STX6: variants seen among roughly 807,000 people sequenced by gnomAD.
STX6 encodes the protein syntaxin 6, also known as syntaxin-6.
STX6 carries 23 observed loss-of-function variants against 38.0 expected under a neutral mutation model. That is an observed-to-expected ratio of 0.60 (90% CI 0.43 to 0.86). The LOEUF is 0.86. STX6 is among the 40% of genes least tolerant of loss of function. The pLI, the probability that STX6 is intolerant of heterozygous loss-of-function variation, is 0.00. For missense variants in STX6, 274 were observed against 312.9 expected, an observed-to-expected ratio of 0.88 and a Z score of 0.94; for synonymous variants, 123 against 107.5, an observed-to-expected ratio of 1.14 and a Z score of -0.89.
chr1:180,974,118 T>C lies in STX6; in HGVS notation c.*2452A>G, dbSNP rs1655189764. 6.6e-6 allele frequency: 1 copy of C among 152,180 alleles called. No homozygotes were observed. The highest frequency in any genetic ancestry group is 2.4e-5 in the African/African-American group (1 of 41,438). 9.4% of individuals were successfully genotyped at this position (152,180 alleles called of 1,614,324 possible). A position where few individuals can be genotyped will look rare whatever the true frequency, so the allele number is the denominator to read the frequency against. On this transcript the variant is annotated 3_prime_UTR_variant, in exon 8 of 8. Transcript: ENST00000258301. ...AAATATTTGTCCTTAAAAATAAATGTAGGTTCCCTGGATTGTTCTCTTTGG... is the reference window on the plus strand; with the variant it reads ...AAATATTTGTCCTTAAAAATAAATGCAGGTTCCCTGGATTGTTCTCTTTGG...
chr1:180,977,384 C>T (rs536867677), intron 7 of STX6, among the ~76,000 whole-genome samples: 1 of 152,318 alleles, frequency 6.6e-6, no homozygotes, highest in African/African-American at 2.4e-5. Flanking sequence ...TGGGGGAGCC[C>T]TGCTGCAGCT....
chr1:180,984,063 C>CAAAAAAAAAA (rs10625558), intron 7 of STX6, among the ~76,000 whole-genome samples: 3 of 7,154 alleles, frequency 4.2e-4, no homozygotes, highest in Admixed American at 2.7e-3. Flanking sequence ...GGCTCCATCT[C>CAAAAAAAAAA]AAAAAAAAAA....
chr1:180,993,552 C>A, intron 3 of STX6, 127 bp from the exon 4 acceptor site: 1 of 503,040 alleles, frequency 2.0e-6, no homozygotes, highest in East Asian at 3.2e-5. Context: ...CATTTCTTGG[C>A]TTTATTTTCA....
intron 7 of STX6, 57 bp from the exon 8 acceptor site, chr1:180,976,703 C>T: frequency 6.6e-7 from 1 of 1,526,666 alleles, no homozygotes; most frequent in African/African-American, 1.4e-5. Flanking sequence ...CCCCAAGATA[C>T]AGTTATATGG....
intron 1 of STX6, among the ~76,000 whole-genome samples, chr1:181,012,073 T>C (rs1465908967): frequency 6.6e-6 from 1 of 152,204 alleles, no homozygotes; most frequent in South Asian, 2.1e-4. Context: ...AGAGAGTATA[T>C]ACCATGAAGC....
rs1467281946 is a variant in STX6 at position 181,022,685 on chromosome 1, C to A, written c.-12G>T. ...TCCTCCATGGACATGGCGTCCCGGC[C>A]CCGGCCGCCTTCACCTCCTCCGCGC... On this transcript the variant is annotated 5_prime_UTR_variant, in exon 1 of 8. Coordinates refer to ENST00000258301, the MANE Select transcript of STX6 (RefSeq NM_005819.6). The A allele has an allele frequency of 5.0e-6, 8 of 1,606,476 alleles. No homozygotes were observed. The East Asian group carries it at 1.1e-4, about 23-fold the overall frequency.
At chr1:180,982,137 G>A (rs770653377) in intron 7 of STX6, among the ~76,000 whole-genome samples, 4 of 152,130 alleles carry the variant, frequency 2.6e-5, no homozygotes, top group Non-Finnish European at 2.9e-5. Context: ...AGACAGCCAC[G>A]GGGAGCGGAG....
chr1:180,996,912 G>A lies in STX6; in HGVS notation c.301-3487C>T, dbSNP rs187802840. ...TGTGTATTCTCATTGAATTTTTTACGAAACAATTATGTAAGTTATGCTCAC... is the reference window on the plus strand; with the variant it reads ...TGTGTATTCTCATTGAATTTTTTACAAAACAATTATGTAAGTTATGCTCAC... On this transcript the variant is annotated intron_variant, in intron 3 of 7. Coordinates refer to ENST00000258301, the MANE Select transcript of STX6 (RefSeq NM_005819.6). Among the ~76,000 whole-genome samples the A allele has an allele frequency of 3.0e-3, 461 of 152,162 alleles. 6 individuals carry two copies. The highest frequency in any genetic ancestry group is 0.014 in the Middle Eastern group (4 of 294).
At chr1:181,001,991 C>T (rs1212261293) in intron 3 of STX6, among the ~76,000 whole-genome samples, 1 of 152,132 alleles carries the variant, frequency 6.6e-6, no homozygotes, top group East Asian at 1.9e-4. Flanking sequence ...CCAGCCTGAG[C>T]AACATGGTGA....
chr1:180,994,503 C>T (rs530089261), intron 3 of STX6, among the ~76,000 whole-genome samples: 3 of 152,334 alleles, frequency 2.0e-5, no homozygotes, highest in African/African-American at 4.8e-5. Context: ...GAGTCAGTCA[C>T]GTGAGTGTTG....
intron 1 of STX6, among the ~76,000 whole-genome samples, chr1:181,021,481 A>C (rs150535924): frequency 2.3e-4 from 35 of 152,348 alleles, no homozygotes; most frequent in African/African-American, 8.2e-4. Flanking sequence ...ATACCATTTA[A>C]ATTTTCTACA....
At position 180,975,801 on chromosome 1, in the gene STX6, G is replaced by C. The variant is rs561977062; in HGVS notation, c.*769C>G. 237 of 152,324 alleles carry C rather than the reference G, an allele frequency of 1.6e-3. 1 individual carries two copies. Among genetic ancestry groups the C allele is most frequent in the South Asian group, 0.011 (55 of 4,830 alleles). 9.4% of individuals were successfully genotyped at this position (152,324 alleles called of 1,614,324 possible). A position where few individuals can be genotyped will look rare whatever the true frequency, so the allele number is the denominator to read the frequency against. On this transcript the variant is annotated 3_prime_UTR_variant, in exon 8 of 8. Coordinates refer to ENST00000258301, the MANE Select transcript of STX6 (RefSeq NM_005819.6). ...GCAACATCAAGTCGGCAAGGATCAG[G>C]AGCTGACCTGTGGCGACATCATTAA...
chr1:181,019,819 C>T (rs761604296), intron 1 of STX6, among the ~76,000 whole-genome samples: 3 of 152,260 alleles, frequency 2.0e-5, no homozygotes, highest in South Asian at 2.1e-4. Context: ...AACTTGGTAA[C>T]TGATAGCAAT....
rs1194806506 is a variant in STX6, at chr1:181,022,709, G to A, written c.-36C>T. ...CCCCGGCCGCCTTCACCTCCTCCGC[G>A]CACAGGGCGCCCGTGCCTCCCGGTC... On this transcript the variant is annotated 5_prime_UTR_variant, in exon 1 of 8. Transcript: ENST00000258301. 2 of 1,586,030 alleles carry A rather than the reference G, an allele frequency of 1.3e-6. No individual in the cohort carries two copies. The highest frequency in any genetic ancestry group is 1.3e-5 in the African/African-American group (1 of 74,212).
At chr1:181,013,320 C>G (rs1232288609) in intron 1 of STX6, among the ~76,000 whole-genome samples, 1 of 152,150 alleles carries the variant, frequency 6.6e-6, no homozygotes, top group African/African-American at 2.4e-5. Flanking sequence ...CCCCCATCAT[C>G]CTTTTTCCTG....
At chr1:180,999,784 A>G (rs1466769845) in intron 3 of STX6, among the ~76,000 whole-genome samples, 1 of 152,220 alleles carries the variant, frequency 6.6e-6, no homozygotes, top group Non-Finnish European at 1.5e-5. Context: ...ATATTAAATG[A>G]AAGCCCACTA....
chr1:180,988,052 A>ACCCAC, intron 6 of STX6, 187 bp downstream of exon 6: 3 of 478,504 alleles, frequency 6.3e-6, no homozygotes, highest in Non-Finnish European at 7.5e-6. Context: ...TAAAGCCTGT[A>ACCCAC]GTAAAATTTA....
chr1:180,997,258 G>A (rs543940327), intron 3 of STX6, among the ~76,000 whole-genome samples: 24 of 152,268 alleles, frequency 1.6e-4, no homozygotes, highest in Admixed American at 7.8e-4. Context: ...GCAAATAAAC[G>A]TATGCAACTA....
intron 4 of STX6, among the ~76,000 whole-genome samples, chr1:180,991,656 G>C (rs1033921074): frequency 1.9e-4 from 29 of 152,288 alleles, no homozygotes; most frequent in African/African-American, 5.8e-4. Flanking sequence ...GTGATAATAG[G>C]ATAGAGATTG....
Sources: gnomAD v4.1 joint callset for allele counts (sites outside exome capture counted in the v4.1 genomes callset) on GRCh38, gnomAD v4.1.1 for gene constraint, MANE v1.5 for transcripts, NCBI Gene and HGNC (gene_info 2026-07-23, HGNC 2026-07-21) for gene names.